The following CES5A variants were observed in gnomAD, a reference collection of about 807,000 sequenced individuals.
CES5A encodes the protein carboxylesterase 5A, also known as carboxylesterase 5.
A neutral mutation model predicts 62.9 loss-of-function variants in CES5A; 67 were observed. That is an observed-to-expected ratio of 1.07 (90% confidence interval 0.88 to 1.31). CES5A has a LOEUF of 1.31. CES5A is among the 50% of genes most tolerant of loss of function. CES5A has a pLI of 0.00. For missense variants in CES5A, 748 were observed against 708.5 expected (o/e 1.06, Z -0.63); for synonymous variants, 296 against 280.8 (o/e 1.05, Z -0.54).
At chr16:55,928,402 C>T (rs1219322900), upstream of CES5A, among the ~76,000 whole-genome samples, 1 of 152,038 alleles carries the variant, frequency 6.6e-6, no homozygotes, top group African/African-American at 2.4e-5. Flanking sequence ...GTATAATGGA[C>T]ACTGGAGACT....
intron 1 of CES5A, among the ~76,000 whole-genome samples, chr16:55,918,973 T>C (rs1302198072): frequency 6.6e-6 from 1 of 152,244 alleles, no homozygotes; most frequent in Non-Finnish European, 1.5e-5. Flanking sequence ...AATCAAGGTC[T>C]GAGCAGAGGA....
intron 2 of CES5A, among the ~76,000 whole-genome samples, chr16:55,934,660 G>A (rs1445176050): frequency 7.4e-6 from 1 of 136,012 alleles, no homozygotes; most frequent in Non-Finnish European, 1.7e-5. Flanking sequence ...TGTGTGGGGT[G>A]TGTGTGTGTG....
upstream of CES5A, among the ~76,000 whole-genome samples, chr16:55,875,640 G>A (rs2033682220): frequency 1.3e-5 from 2 of 152,220 alleles, no homozygotes; most frequent in African/African-American, 4.8e-5. Context: ...AGAAGAGGAA[G>A]AAGGTTGCTG....
rs1347436534 is a variant in CES5A, at chr16:55,940,952, A to G, written c.160+8833T>C. ...TGCATTTGACAAAATGCAACAATTC[A>G]TGATAAAAAAAAAACCTCTCCATAA... On this transcript the variant is annotated intron_variant, in intron 2 of 13. Transcript: ENST00000521992. 3.3e-5 allele frequency among the ~76,000 whole-genome samples: 5 copies of G among 151,630 alleles called. No homozygotes were observed. In the East Asian group the frequency reaches 5.8e-4, roughly 18 times the overall value.
In CES5A at chr16:55,866,594, G is replaced by A. The variant is rs375119769; in HGVS notation, c.552-478C>T. On this transcript the variant is annotated intron_variant, in intron 4 of 12. Coordinates refer to ENST00000290567, the MANE Select transcript of CES5A (RefSeq NM_001143685.2). ...TCCCAGCACTTTGGGAGGCCGAGGCGGGCAGATCATGATGTCAGGAGATCG... is the reference window on the plus strand; with the variant it reads ...TCCCAGCACTTTGGGAGGCCGAGGCAGGCAGATCATGATGTCAGGAGATCG... 5.6e-4 allele frequency among the ~76,000 whole-genome samples: 84 copies of A among 150,490 alleles called. 1 individual carries two copies. The East Asian group carries it at 0.013, about 23-fold the overall frequency.
At chr16:55,900,746 C>G (rs762675659) in intron 1 of CES5A, among the ~76,000 whole-genome samples, 5 of 152,144 alleles carry the variant, frequency 3.3e-5, no homozygotes, top group Non-Finnish European at 5.9e-5. Context: ...CAGCCAAAAG[C>G]CAGGGAAAGG....
At chr16:55,955,793 G>T in intron 1 of CES5A, 1 of 1,523,784 alleles carries the variant, frequency 6.6e-7, no homozygotes, top group Middle Eastern at 1.7e-4. Flanking sequence ...TCTCATTCCA[G>T]TGGGTTTGGG....
At chr16:55,909,167 C>T (rs1157202240) in intron 1 of CES5A, among the ~76,000 whole-genome samples, 1 of 152,154 alleles carries the variant, frequency 6.6e-6, no homozygotes, top group African/African-American at 2.4e-5. Context: ...GAGACACTGC[C>T]CTCCACTTTC....
At chr16:55,911,728 T>C (rs1476722122) in intron 1 of CES5A, among the ~76,000 whole-genome samples, 1 of 152,142 alleles carries the variant, frequency 6.6e-6, no homozygotes, top group Non-Finnish European at 1.5e-5. Flanking sequence ...GACAGAAAGG[T>C]GGGGCCAGGA....
chr16:55,909,905 GGT>G (rs1197445565), intron 1 of CES5A, among the ~76,000 whole-genome samples: 1 of 152,112 alleles, frequency 6.6e-6, no homozygotes, highest in Non-Finnish European at 1.5e-5. Flanking sequence ...CTTCCAAGAT[GGT>G]GTGAGTGCTT....
intron 1 of CES5A, among the ~76,000 whole-genome samples, chr16:55,899,449 A>G (rs2033967736): frequency 6.6e-6 from 1 of 152,198 alleles, no homozygotes; most frequent in Non-Finnish European, 1.5e-5. Flanking sequence ...CCAACTTGGA[A>G]AGAGGATCCT....
At chr16:55,919,467 G>A (rs2034179845) in intron 1 of CES5A, among the ~76,000 whole-genome samples, 7 of 152,114 alleles carry the variant, frequency 4.6e-5, no homozygotes, top group Admixed American at 4.6e-4. Context: ...CTACCCAAAT[G>A]ATTTTATCTT....
At chr16:55,861,948 G>A (rs1443489149) in intron 6 of CES5A, among the ~76,000 whole-genome samples, 1 of 152,118 alleles carries the variant, frequency 6.6e-6, no homozygotes, top group African/African-American at 2.4e-5. Flanking sequence ...TGTCAGTACA[G>A]GCAGGACTCC....
At chr16:55,940,568 G>A (rs1452761129) in intron 2 of CES5A, among the ~76,000 whole-genome samples, 1 of 151,792 alleles carries the variant, frequency 6.6e-6, no homozygotes, top group African/African-American at 2.4e-5. Context: ...TTCCAGGCCT[G>A]ATACCTTTAC....
rs543634201 is a variant in CES5A, at chr16:55,939,713, C to T, written c.160+10072G>A. Among the ~76,000 whole-genome samples the T allele has an allele frequency of 2.0e-5, 3 of 152,044 alleles. No individual in the cohort carries two copies. In the South Asian group the frequency reaches 6.3e-4, roughly 32 times the overall value. ...GAATACCCTCATCCAACAAAAGCAACATTCAATTTTTTTCAAGTGCATATT... is the reference window on the plus strand; with the variant it reads ...GAATACCCTCATCCAACAAAAGCAATATTCAATTTTTTTCAAGTGCATATT... On this transcript the variant is annotated intron_variant, in intron 2 of 13. Transcript: ENST00000521992.
chr16:55,892,260 C>G (rs748398350), intron 1 of CES5A, among the ~76,000 whole-genome samples: 4 of 152,166 alleles, frequency 2.6e-5, no homozygotes, highest in Admixed American at 6.6e-5. Context: ...CACACACCCC[C>G]ACACCACCAT....
At chr16:55,948,017 G>A (rs1351382076) in intron 2 of CES5A, among the ~76,000 whole-genome samples, 1 of 151,968 alleles carries the variant, frequency 6.6e-6, no homozygotes, top group African/African-American at 2.4e-5. Context: ...TAGGAGCTAA[G>A]AGTTTGGAAC....
At chr16:55,879,134 T>C (rs574509381), upstream of CES5A, among the ~76,000 whole-genome samples, 29 of 120,728 alleles carry the variant, frequency 2.4e-4, no homozygotes, top group South Asian at 2.7e-3. Context: ...CACCCCACCA[T>C]TGCACCTCCA....
At chr16:55,921,094 G>A (rs2034199484) in intron 1 of CES5A, among the ~76,000 whole-genome samples, 1 of 152,052 alleles carries the variant, frequency 6.6e-6, no homozygotes, top group Non-Finnish European at 1.5e-5. Flanking sequence ...AGAATGAAAA[G>A]CAATGAAGAT....
Sources: allele counts gnomAD v4.1 joint callset (sites outside exome capture counted in the v4.1 genomes callset), GRCh38; gene constraint gnomAD v4.1.1; transcripts MANE v1.5; gene names NCBI Gene and HGNC (gene_info 2026-07-23, HGNC 2026-07-21).